The following PTPRD variants were observed in gnomAD, a reference collection of about 807,000 sequenced individuals.
PTPRD encodes protein tyrosine phosphatase receptor type D, also known as receptor-type tyrosine-protein phosphatase delta.
Under a neutral mutation model 214.5 loss-of-function variants are expected in PTPRD, and 34 were observed. The ratio of observed to expected loss-of-function variants is 0.16; its 90% confidence interval spans 0.12 to 0.21. PTPRD has a LOEUF of 0.21. Among genes scored for constraint, PTPRD ranks in the 10% least tolerant of loss-of-function variants. PTPRD has a pLI of 1.00. For synonymous variants in PTPRD, 1,128 were observed against 845.7 expected (o/e 1.33, Z -5.79); for missense variants, 2,545 against 2,398.7 (o/e 1.06, Z -1.27).
intron 3 of PTPRD, among the ~76,000 whole-genome samples, chr9:10,234,069 A>G (rs1238864637): frequency 6.6e-6 from 1 of 151,816 alleles, no homozygotes; most frequent in Non-Finnish European, 1.5e-5. Context: ...CCTGGCCAAC[A>G]TGGTGAAACC....
intron 5 of PTPRD, among the ~76,000 whole-genome samples, chr9:9,784,630 G>C (rs1301743102): frequency 6.6e-6 from 1 of 151,770 alleles, no homozygotes; most frequent in East Asian, 1.9e-4. Context: ...CAATAACCTA[G>C]CAGACCATAC....
intron 10 of PTPRD, among the ~76,000 whole-genome samples, chr9:9,049,635 G>C (rs1343635844): frequency 6.6e-6 from 1 of 152,092 alleles, no homozygotes; most frequent in Non-Finnish European, 1.5e-5. Context: ...ACTATGAGGA[G>C]TGGGCATTTG....
intron 11 of PTPRD, among the ~76,000 whole-genome samples, chr9:8,845,013 G>A (rs2097658605): frequency 6.6e-6 from 1 of 152,082 alleles, no homozygotes; most frequent in Non-Finnish European, 1.5e-5. Flanking sequence ...AATTATACTT[G>A]CACTGACAAG....
rs572216676 is a variant in PTPRD at position 10,165,324 on chromosome 9, G to A, written c.-544-131534C>T. 7.9e-5 allele frequency among the ~76,000 whole-genome samples: 12 copies of A among 151,828 alleles called. No homozygotes were observed. The East Asian group carries it at 1.7e-3, about 22-fold the overall frequency. On this transcript the variant is annotated intron_variant, in intron 3 of 45. Coordinates refer to ENST00000381196, the MANE Select transcript of PTPRD (RefSeq NM_002839.4). ...GACTCATATTTTGTCCTTGGTGAGA[G>A]TCTGAAGTCATGAATTTTAATAAAC...
At chr9:9,644,345 T>C (rs901792353) in intron 7 of PTPRD, among the ~76,000 whole-genome samples, 3 of 152,166 alleles carry the variant, frequency 2.0e-5, no homozygotes, top group African/African-American at 7.2e-5. Flanking sequence ...TCTCAGTTGA[T>C]TTAATGCAGC....
At position 10,232,058 on chromosome 9, in the gene PTPRD, TTCC is replaced by T. The variant is rs562474222; in HGVS notation, c.-545+108902_-545+108904del. Reference sequence around the variant, plus strand: ...GCACTCTGGCTGTTATAAAGCGAGGTTCCTCCTCCTGTCTGGTCCCTCTTCCCG... The same window carrying T: ...GCACTCTGGCTGTTATAAAGCGAGGTTCCTCCTGTCTGGTCCCTCTTCCCG... On this transcript the variant is annotated intron_variant, in intron 3 of 45. Coordinates refer to ENST00000381196, the MANE Select transcript of PTPRD (RefSeq NM_002839.4). Among the ~76,000 whole-genome samples the T allele has an allele frequency of 5.6e-3, 811 of 144,052 alleles. 6 individuals are homozygous for T. The highest frequency in any genetic ancestry group is 0.02 in the African/African-American group (763 of 38,280). 94.5% of individuals were successfully genotyped at this position (144,052 alleles called of 152,430 possible).
At chr9:9,678,570 A>G (rs924798811) in intron 7 of PTPRD, among the ~76,000 whole-genome samples, 7 of 151,954 alleles carry the variant, frequency 4.6e-5, no homozygotes, top group South Asian at 4.1e-4. Flanking sequence ...TTTAATAAAA[A>G]TTATAGTGAA....
At chr9:8,564,151 C>CA (rs1334171923) in intron 14 of PTPRD, among the ~76,000 whole-genome samples, 6 of 1,306 alleles carry the variant, frequency 4.6e-3, no homozygotes, top group African/African-American at 7.9e-3. Context: ...GATAAGCAAC[C>CA]AATACACTAT....
chr9:10,453,477 T>C (rs185177141), intron 2 of PTPRD, among the ~76,000 whole-genome samples: 1 of 151,802 alleles, frequency 6.6e-6, no homozygotes, highest in African/African-American at 2.4e-5. Context: ...TATTCTTCAA[T>C]ATCTTCCCTC....
intron 5 of PTPRD, among the ~76,000 whole-genome samples, chr9:9,901,069 C>T (rs1309262041): frequency 6.6e-6 from 1 of 152,146 alleles, no homozygotes; most frequent in Non-Finnish European, 1.5e-5. Context: ...ATCCACCTAG[C>T]TTCTGGAAAG....
chr9:9,644,608 G>C (rs562068703), intron 7 of PTPRD, among the ~76,000 whole-genome samples: 8 of 152,288 alleles, frequency 5.3e-5, no homozygotes, highest in African/African-American at 1.9e-4. Context: ...CAAATGCTGG[G>C]TAGAAGAGGG....
At chr9:10,227,701 A>G (rs1027941390) in intron 3 of PTPRD, among the ~76,000 whole-genome samples, 1 of 151,942 alleles carries the variant, frequency 6.6e-6, no homozygotes, top group Non-Finnish European at 1.5e-5. Flanking sequence ...ACAGAGACCT[A>G]TGTATTTTGT....
intron 8 of PTPRD, among the ~76,000 whole-genome samples, chr9:9,404,994 T>C (rs2072696782): frequency 6.6e-6 from 1 of 152,084 alleles, no homozygotes; most frequent in African/African-American, 2.4e-5. Flanking sequence ...TCATGTTTAT[T>C]TCCCCATCAT....
chr9:9,481,500 T>C (rs1202189871), intron 8 of PTPRD, among the ~76,000 whole-genome samples: 1 of 152,206 alleles, frequency 6.6e-6, no homozygotes, highest in Non-Finnish European at 1.5e-5. Context: ...CTAGTGCCCA[T>C]AGTACATTTA....
intron 5 of PTPRD, among the ~76,000 whole-genome samples, chr9:9,768,249 T>C (rs2098722496): frequency 6.6e-6 from 1 of 152,196 alleles, no homozygotes. Context: ...TGAATTTTCA[T>C]GTACAATGAA....
At chr9:9,395,807 C>G (rs888872946) in intron 9 of PTPRD, among the ~76,000 whole-genome samples, 1 of 152,164 alleles carries the variant, frequency 6.6e-6, no homozygotes, top group Non-Finnish European at 1.5e-5. Context: ...TCAAGCAAAA[C>G]TCAAGTACTT....
chr9:9,185,976 T>A (rs2099931193), intron 9 of PTPRD, among the ~76,000 whole-genome samples: 1 of 151,994 alleles, frequency 6.6e-6, no homozygotes, highest in South Asian at 2.1e-4. Flanking sequence ...CAACAAAAAC[T>A]ATTTAACATC....
intron 11 of PTPRD, among the ~76,000 whole-genome samples, chr9:8,920,717 G>T (rs528641180): frequency 2.0e-5 from 3 of 152,352 alleles, no homozygotes; most frequent in Non-Finnish European, 4.4e-5. Context: ...CTTGTTCTAA[G>T]CATTTACACG....
At chr9:8,464,977 T>C (rs186437217) in intron 32 of PTPRD, among the ~76,000 whole-genome samples, 6 of 152,054 alleles carry the variant, frequency 3.9e-5, no homozygotes, top group South Asian at 2.1e-4. Context: ...TTGGCAGATA[T>C]AGGAGAATAA....
Sources: allele counts gnomAD v4.1 joint callset (sites outside exome capture counted in the v4.1 genomes callset), GRCh38; gene constraint gnomAD v4.1.1; transcripts MANE v1.5; gene names NCBI Gene and HGNC (gene_info 2026-07-23, HGNC 2026-07-21).